PDE5A: variants seen among roughly 807,000 people sequenced by gnomAD.
PDE5A encodes the protein cGMP-specific 3',5'-cyclic phosphodiesterase.
Under a neutral mutation model 110.2 loss-of-function variants are expected in PDE5A, and 67 were observed. The ratio of observed to expected loss-of-function variants is 0.61; its 90% CI spans 0.50 to 0.75. The LOEUF is 0.75. Ranked by LOEUF, PDE5A falls within the 30% of genes least tolerant of loss-of-function variation. The pLI, the probability that PDE5A is intolerant of heterozygous loss-of-function variation, is 0.00. For missense variants in PDE5A, 862 were observed against 1,045.1 expected, an observed-to-expected ratio of 0.82 and a Z score of 2.42; for synonymous variants, 328 against 351.2, an observed-to-expected ratio of 0.93 and a Z score of 0.74.
At chr4:119,503,700 G>A (rs1237532905) in intron 18 of PDE5A, among the ~76,000 whole-genome samples, 1 of 152,086 alleles carries the variant, frequency 6.6e-6, no homozygotes, top group Non-Finnish European at 1.5e-5. Flanking sequence ...TACTCAAAAT[G>A]CTTTGAATTT....
intron 13 of PDE5A, chr4:119,519,350 T>C (rs1726033393): frequency 4.5e-6 from 2 of 447,084 alleles, no homozygotes; most frequent in East Asian, 3.3e-5. Flanking sequence ...ATGTCACTTA[T>C]CAACAGGAAA....
chr4:119,598,980 T>A (rs1027788131), intron 2 of PDE5A, among the ~76,000 whole-genome samples: 1 of 152,096 alleles, frequency 6.6e-6, no homozygotes, highest in Non-Finnish European at 1.5e-5. Flanking sequence ...TGACACCAAT[T>A]AGTGAAGTGT....
chr4:119,555,347 A>G (rs1033330917), intron 7 of PDE5A, among the ~76,000 whole-genome samples: 6 of 152,204 alleles, frequency 3.9e-5, no homozygotes, highest in Admixed American at 6.5e-5. Context: ...GCCAGTTACC[A>G]TACACATCAG....
chr4:119,563,963 C>T (rs906760364), intron 5 of PDE5A, among the ~76,000 whole-genome samples: 4 of 151,722 alleles, frequency 2.6e-5, no homozygotes, highest in African/African-American at 9.7e-5. Flanking sequence ...AAAAGAATTA[C>T]ACAGAAGTAA....
At chr4:119,579,840 T>TAA (rs5861431) in intron 3 of PDE5A, among the ~76,000 whole-genome samples, 3 of 145,560 alleles carry the variant, frequency 2.1e-5, no homozygotes, top group African/African-American at 7.6e-5. Flanking sequence ...TAAAGTATAA[T>TAA]AAAAAAAAAA....
intron 9 of PDE5A, among the ~76,000 whole-genome samples, chr4:119,546,021 T>A (rs972741668): frequency 1.1e-4 from 17 of 152,208 alleles, no homozygotes; most frequent in Admixed American, 9.8e-4. Context: ...GCCTTGCTTT[T>A]AAAAGAGGCT....
intron 10 of PDE5A, among the ~76,000 whole-genome samples, chr4:119,539,798 A>G (rs1453510380): frequency 6.6e-6 from 1 of 152,172 alleles, no homozygotes. Context: ...ATCATTTCTA[A>G]TTACAAGTTG....
intron 1 of PDE5A, among the ~76,000 whole-genome samples, chr4:119,620,333 T>C (rs1199801698): frequency 6.6e-6 from 1 of 152,198 alleles, no homozygotes; most frequent in East Asian, 1.9e-4. Flanking sequence ...GCTCCAGCTA[T>C]GAAAACATCT....
chr4:119,579,425 A>T (rs1578795102), intron 3 of PDE5A, among the ~76,000 whole-genome samples: 3 of 152,208 alleles, frequency 2.0e-5, no homozygotes, highest in Admixed American at 2.0e-4. Flanking sequence ...AAAAGCAAAG[A>T]CTTGGAACCA....
intron 9 of PDE5A, among the ~76,000 whole-genome samples, chr4:119,546,029 G>C (rs920576054): frequency 6.6e-6 from 1 of 151,880 alleles, no homozygotes; most frequent in Non-Finnish European, 1.5e-5. Context: ...TTTAAAAGAG[G>C]CTTCCTCATT....
chr4:119,613,297 T>C (rs1729820004), intron 1 of PDE5A, among the ~76,000 whole-genome samples: 1 of 152,210 alleles, frequency 6.6e-6, no homozygotes, highest in Non-Finnish European at 1.5e-5. Context: ...TGTGGTTCTA[T>C]TTTTCAAGAT....
intron 2 of PDE5A, among the ~76,000 whole-genome samples, chr4:119,601,724 G>A (rs1223344244): frequency 6.6e-6 from 1 of 152,142 alleles, no homozygotes; most frequent in Admixed American, 6.5e-5. Context: ...TGTAGGGTCA[G>A]TGCTAACTCC....
intron 11 of PDE5A, among the ~76,000 whole-genome samples, chr4:119,534,123 G>A (rs1251583406): frequency 1.3e-5 from 2 of 152,140 alleles, no homozygotes; most frequent in Non-Finnish European, 2.9e-5. Context: ...CCCAGTTAAT[G>A]TTACATACAT....
rs1560651259 is a variant in PDE5A at position 119,628,778 on chromosome 4, C to G, written c.-107G>C. The G allele has an allele frequency of 6.7e-7, 1 of 1,487,688 alleles. No homozygotes were observed. The highest frequency in any genetic ancestry group is 2.4e-5 in the East Asian group (1 of 41,042). 92.2% of individuals were successfully genotyped at this position (1,487,688 alleles called of 1,614,324 possible). ...CGGCCTCGAGACCCTCCCCCTTCGT[C>G]CTGCTCCAGTCGGGCCGGCTTTCGA... On this transcript the variant is annotated 5_prime_UTR_variant, in exon 1 of 21. Coordinates refer to ENST00000354960, the MANE Select transcript of PDE5A (RefSeq NM_001083.4).
At chr4:119,570,965 C>T (rs989917451) in intron 3 of PDE5A, among the ~76,000 whole-genome samples, 3 of 152,168 alleles carry the variant, frequency 2.0e-5, no homozygotes, top group Non-Finnish European at 4.4e-5. Flanking sequence ...TTTATTCATT[C>T]TGCCATAAAT....
intron 2 of PDE5A, among the ~76,000 whole-genome samples, chr4:119,599,518 C>A (rs1416004448): frequency 6.6e-6 from 1 of 151,764 alleles, no homozygotes; most frequent in South Asian, 2.1e-4. Context: ...AATGAAAATT[C>A]TAGAACTGAA....
intron 3 of PDE5A, among the ~76,000 whole-genome samples, chr4:119,571,647 G>A (rs2110512966): frequency 6.6e-6 from 1 of 152,302 alleles, no homozygotes; most frequent in East Asian, 1.9e-4. Context: ...TAATACATGT[G>A]TGCTATTTTA....
chr4:119,507,575 T>A, intron 16 of PDE5A, 29 bp downstream of exon 16: 1 of 1,336,278 alleles, frequency 7.5e-7, no homozygotes, highest in Non-Finnish European at 1.0e-6. Flanking sequence ...TTCAAATACC[T>A]ATTTCTCAGG....
chr4:119,533,245 G>A (rs898777847), intron 11 of PDE5A, among the ~76,000 whole-genome samples: 1 of 152,094 alleles, frequency 6.6e-6, no homozygotes, highest in African/African-American at 2.4e-5. Flanking sequence ...GACATCTCCT[G>A]CCAGGTGTTT....
Sources: allele counts gnomAD v4.1 joint callset (sites outside exome capture counted in the v4.1 genomes callset), GRCh38; gene constraint gnomAD v4.1.1; transcripts MANE v1.5; gene names NCBI Gene and HGNC (gene_info 2026-07-23, HGNC 2026-07-21).